Variants in AVEN observed in about 807,000 individuals in gnomAD.
AVEN encodes cell death regulator Aven.
AVEN carries 41 observed loss-of-function variants against 38.1 expected under a neutral mutation model. The observed-to-expected ratio is 1.08, with a 90% confidence interval of 0.84 to 1.40. AVEN has a LOEUF of 1.40. Ranked by LOEUF, AVEN falls within the 40% of genes most tolerant of loss-of-function variation. The pLI is 0.00. For missense variants in AVEN, 605 were observed against 438.8 expected, an observed-to-expected ratio of 1.38 and a Z score of -3.38; for synonymous variants, 206 against 171.8, an observed-to-expected ratio of 1.20 and a Z score of -1.56.
At chr15:33,883,468 G>C (rs1303790667) in intron 2 of AVEN, among the ~76,000 whole-genome samples, 1 of 151,910 alleles carries the variant, frequency 6.6e-6, no homozygotes, top group Non-Finnish European at 1.5e-5. Context: ...TTCAATCAGT[G>C]GCACTCCATT....
intron 2 of AVEN, among the ~76,000 whole-genome samples, chr15:33,956,246 G>A (rs866831701): frequency 4.5e-4 from 68 of 152,240 alleles, no homozygotes; most frequent in African/African-American, 1.6e-3. Context: ...CTGCTCTAAT[G>A]TGCTGGCCCT....
At chr15:34,047,072 G>GTT (rs1899722523) in intron 5 of AVEN, among the ~76,000 whole-genome samples, 3 of 47,746 alleles carry the variant, frequency 6.3e-5, no homozygotes, top group African/African-American at 1.2e-4. Flanking sequence ...TTTTTTTGTT[G>GTT]GTTTTTTTTT....
chr15:33,932,889 T>C (rs945833536), intron 2 of AVEN, among the ~76,000 whole-genome samples: 4 of 150,086 alleles, frequency 2.7e-5, no homozygotes, highest in Non-Finnish European at 6.0e-5. Context: ...GACACATCAG[T>C]GGTTTGTTAA....
chr15:33,873,527 ATATAT>A (rs1044936148), intron 3 of AVEN, among the ~76,000 whole-genome samples: 1 of 148,152 alleles, frequency 6.7e-6, no homozygotes, highest in Admixed American at 6.8e-5. Context: ...AACATATAAT[ATATAT>A]TATATATATG....
At chr15:33,912,493 T>C (rs890208869) in intron 2 of AVEN, among the ~76,000 whole-genome samples, 1 of 152,218 alleles carries the variant, frequency 6.6e-6, no homozygotes, top group South Asian at 2.1e-4. Context: ...CTACCTATAA[T>C]GTTAAGGACA....
At chr15:34,004,311 A>G (rs6495443) in intron 1 of AVEN, among the ~76,000 whole-genome samples, 23,059 of 152,046 alleles carry the variant, frequency 0.15, 2,173 homozygotes, top group Middle Eastern at 0.28. Flanking sequence ...GCATGCAGAA[A>G]GATGCACAAT....
At chr15:33,870,510 C>T (rs1295531429) in intron 4 of AVEN, among the ~76,000 whole-genome samples, 1 of 152,204 alleles carries the variant, frequency 6.6e-6, no homozygotes, top group Non-Finnish European at 1.5e-5. Context: ...GCACACTGTA[C>T]TTCACAGGAT....
rs192949059 is a variant in AVEN at position 34,020,915 on chromosome 15, C to T, written c.268-17706G>A. Among the ~76,000 whole-genome samples the T allele has an allele frequency of 5.3e-5, 8 of 152,328 alleles. No individual in the cohort carries two copies. In the East Asian group the frequency reaches 1.5e-3, roughly 29 times the overall value. ...ACCAAAATTCTCTTCCTTTTAAGCACCTACCTTATATGGAGACAGTCTATA... is the reference window on the plus strand; with the variant it reads ...ACCAAAATTCTCTTCCTTTTAAGCATCTACCTTATATGGAGACAGTCTATA... On this transcript the variant is annotated intron_variant, in intron 1 of 5. Transcript: ENST00000306730.
intron 5 of AVEN, among the ~76,000 whole-genome samples, chr15:33,867,203 C>T (rs925291308): frequency 6.6e-6 from 1 of 152,210 alleles, no homozygotes; most frequent in African/African-American, 2.4e-5. Context: ...AAGCTGAAGG[C>T]TACAGGTATC....
intron 11 of AVEN, chr15:33,859,163 C>G (rs1034558241): frequency 6.2e-6 from 1 of 161,954 alleles, no homozygotes; most frequent in Non-Finnish European, 1.3e-5. Flanking sequence ...CCTGCCCTAC[C>G]AGGTGTAAGG....
the AVEN span, chr15:33,852,993 T>G: frequency 6.7e-7 from 1 of 1,501,796 alleles, no homozygotes; most frequent in South Asian, 1.2e-5. Context: ...TCTTGATGTG[T>G]TTTCCTTGAT....
At chr15:33,944,832 G>A (rs548347082) in intron 2 of AVEN, among the ~76,000 whole-genome samples, 1 of 150,044 alleles carries the variant, frequency 6.7e-6, no homozygotes, top group South Asian at 2.1e-4. Context: ...CCCACCAAAA[G>A]TTCTTTTGTA....
chr15:34,011,205 T>C (rs1897623635), intron 1 of AVEN, among the ~76,000 whole-genome samples: 1 of 151,852 alleles, frequency 6.6e-6, no homozygotes, highest in Non-Finnish European at 1.5e-5. Flanking sequence ...AAAAACTTTG[T>C]TTACTAGGCC....
chr15:34,043,204 A>G (rs1475034055), upstream of AVEN, among the ~76,000 whole-genome samples: 10 of 151,208 alleles, frequency 6.6e-5, no homozygotes, highest in Non-Finnish European at 1.3e-4. Context: ...CCGAGATCAC[A>G]CCACTGCACT....
chr15:34,029,100 T>C (rs1274267407), intron 1 of AVEN, among the ~76,000 whole-genome samples: 2 of 151,856 alleles, frequency 1.3e-5, no homozygotes, highest in South Asian at 2.1e-4. Flanking sequence ...CCCACCAGAG[T>C]AGACATTCAT....
chr15:33,906,494 T>C (rs1466327712), intron 2 of AVEN, among the ~76,000 whole-genome samples: 1 of 152,248 alleles, frequency 6.6e-6, no homozygotes. Context: ...TAAAGTTGGA[T>C]GTACAAATAT....
intron 1 of AVEN, among the ~76,000 whole-genome samples, chr15:34,031,767 G>T (rs563248288): frequency 6.6e-6 from 1 of 152,178 alleles, no homozygotes; most frequent in South Asian, 2.1e-4. Flanking sequence ...ACAAAATCAG[G>T]TTGGTCAGAT....
chr15:33,942,046 A>T (rs1328377499), intron 2 of AVEN, among the ~76,000 whole-genome samples: 5 of 152,244 alleles, frequency 3.3e-5, no homozygotes, highest in African/African-American at 1.2e-4. Context: ...AATCCTTTCT[A>T]GGGATTGTGT....
At chr15:34,008,655 A>AT (rs35941395) in intron 1 of AVEN, among the ~76,000 whole-genome samples, 40,089 of 148,304 alleles carry the variant, frequency 0.27, 6,371 homozygotes, top group African/African-American at 0.46. Flanking sequence ...TGGCAGGCTA[A>AT]TTTTTTGTAT....
Sources: gnomAD v4.1 joint callset for allele counts (sites outside exome capture counted in the v4.1 genomes callset) on GRCh38, gnomAD v4.1.1 for gene constraint, MANE v1.5 for transcripts, NCBI Gene and HGNC (gene_info 2026-07-23, HGNC 2026-07-21) for gene names.